The following ZSWIM5 variants were observed in gnomAD, a reference collection of about 807,000 sequenced individuals.
ZSWIM5 encodes the protein zinc finger SWIM-type containing 5, also known as zinc finger SWIM domain-containing protein 5.
In ZSWIM5, 55 loss-of-function variants were observed where a neutral mutation model predicts 119.6. The observed-to-expected ratio is 0.46, with a 90% CI of 0.37 to 0.58. The LOEUF is 0.58. Among genes scored for constraint, ZSWIM5 ranks in the 20% least tolerant of loss-of-function variants. ZSWIM5 has a pLI of 0.00. For missense variants in ZSWIM5, 1,193 were observed against 1,512.8 expected (o/e 0.79, Z 3.51); for synonymous variants, 537 against 606.9 (o/e 0.88, Z 1.69).
At chr1:45,162,646 T>G (rs1284137779) in intron 1 of ZSWIM5, among the ~76,000 whole-genome samples, 1 of 152,192 alleles carries the variant, frequency 6.6e-6, no homozygotes, top group Non-Finnish European at 1.5e-5. Context: ...CCAACGATCT[T>G]AGCAAACAGC....
chr1:45,021,431 G>C (rs1224177758), intron 11 of ZSWIM5, among the ~76,000 whole-genome samples: 3 of 152,088 alleles, frequency 2.0e-5, no homozygotes, highest in Non-Finnish European at 4.4e-5. Context: ...AGCACCCTGG[G>C]GCAAAAAGGA....
chr1:45,174,657 T>C (rs1197754448), intron 1 of ZSWIM5, among the ~76,000 whole-genome samples: 2 of 151,950 alleles, frequency 1.3e-5, no homozygotes, highest in East Asian at 3.9e-4. Flanking sequence ...GGAGAATTGC[T>C]TGAACCTGCA....
chr1:45,078,109 G>A (rs1257625793), intron 2 of ZSWIM5, among the ~76,000 whole-genome samples: 3 of 152,176 alleles, frequency 2.0e-5, no homozygotes, highest in South Asian at 4.1e-4. Context: ...AAGCACAAGG[G>A]TATTGATTGG....
intron 1 of ZSWIM5, among the ~76,000 whole-genome samples, chr1:45,176,098 T>C (rs939404385): frequency 6.7e-6 from 1 of 150,274 alleles, no homozygotes; most frequent in Non-Finnish European, 1.5e-5. Flanking sequence ...TATTGGGATA[T>C]TACTGCTCTA....
chr1:45,132,068 T>C (rs1263121539), intron 1 of ZSWIM5, among the ~76,000 whole-genome samples: 1 of 149,502 alleles, frequency 6.7e-6, no homozygotes, highest in African/African-American at 2.4e-5. Flanking sequence ...TAATAATAAA[T>C]TATATAATAA....
intron 1 of ZSWIM5, among the ~76,000 whole-genome samples, chr1:45,145,966 G>C (rs1157501917): frequency 6.6e-6 from 1 of 152,136 alleles, no homozygotes; most frequent in Non-Finnish European, 1.5e-5. Context: ...GGATGACAGT[G>C]ATCAACTATA....
intron 1 of ZSWIM5, among the ~76,000 whole-genome samples, chr1:45,149,094 C>G (rs1013738492): frequency 6.6e-6 from 1 of 151,960 alleles, no homozygotes; most frequent in Non-Finnish European, 1.5e-5. Flanking sequence ...TATAGTAAGA[C>G]TCCACCTCTA....
chr1:45,161,468 T>A (rs1645863472), intron 1 of ZSWIM5, among the ~76,000 whole-genome samples: 1 of 152,192 alleles, frequency 6.6e-6, no homozygotes, highest in South Asian at 2.1e-4. Flanking sequence ...TAAGATGGTA[T>A]CTCACTGTGG....
At chr1:45,039,957 G>A (rs1645009700) in intron 7 of ZSWIM5, among the ~76,000 whole-genome samples, 1 of 151,208 alleles carries the variant, frequency 6.6e-6, no homozygotes, top group Non-Finnish European at 1.5e-5. Context: ...TGCCTGCCTC[G>A]GCCTCCCAAA....
At chr1:45,137,704 A>G (rs1371885649) in intron 1 of ZSWIM5, among the ~76,000 whole-genome samples, 1 of 152,164 alleles carries the variant, frequency 6.6e-6, no homozygotes, top group African/African-American at 2.4e-5. Context: ...GGAGGACATT[A>G]TGATTGGTGC....
rs1644914152 is a variant in ZSWIM5, at chr1:45,025,126, G to GT, written c.2450-4339dup. Among the ~76,000 whole-genome samples the GT allele has an allele frequency of 3.3e-5, 5 of 152,244 alleles. No homozygotes were observed. In the South Asian group the frequency reaches 1.0e-3, roughly 32 times the overall value. ...AAGACAATCTTTTGCTCCTTTCTCA[G>GT]TATCAGTTGACTATATTTGTGTGAG... is the stretch of plus-strand genomic sequence containing the variant. On this transcript the variant is annotated intron_variant, in intron 11 of 13. Coordinates refer to ENST00000359600, the MANE Select transcript of ZSWIM5 (RefSeq NM_020883.2).
chr1:45,083,047 G>A (rs892561309), intron 2 of ZSWIM5, among the ~76,000 whole-genome samples: 2 of 152,100 alleles, frequency 1.3e-5, no homozygotes, highest in African/African-American at 4.8e-5. Flanking sequence ...TGGGGGATGG[G>A]GGCAGAACTC....
chr1:45,163,838 G>A lies in ZSWIM5; in HGVS notation c.595+41918C>T, dbSNP rs532689416. On this transcript the variant is annotated intron_variant, in intron 1 of 13. Transcript: ENST00000359600. The stretch of plus-strand genomic sequence containing the variant: ...GACAATGTGAAAAGACCAAATCTAC[G>A]TCTGATTGGCGTACCTGAAAGTGAC... Among the ~76,000 whole-genome samples the A allele has an allele frequency of 7.9e-5, 12 of 152,288 alleles. No homozygotes were observed. In the South Asian group the frequency reaches 1.0e-3, roughly 13 times the overall value.
intron 1 of ZSWIM5, among the ~76,000 whole-genome samples, chr1:45,091,679 A>G (rs1645365046): frequency 6.6e-6 from 1 of 152,038 alleles, no homozygotes; most frequent in Non-Finnish European, 1.5e-5. Flanking sequence ...AAACAAACAA[A>G]CAAAAAACAA....
chr1:45,035,959 C>T, intron 9 of ZSWIM5, 80 bp downstream of exon 9: 1 of 1,569,778 alleles, frequency 6.4e-7, no homozygotes, highest in South Asian at 1.2e-5. Flanking sequence ...ATAAATGTTC[C>T]TGTACTTGTA....
At chr1:45,043,662 C>T (rs543280752) in intron 5 of ZSWIM5, among the ~76,000 whole-genome samples, 173 of 152,252 alleles carry the variant, frequency 1.1e-3, no homozygotes, top group African/African-American at 3.8e-3. Flanking sequence ...AGATCTATGG[C>T]TTACTTCCTC....
At chr1:45,050,511 G>C (rs1451784084) in intron 5 of ZSWIM5, among the ~76,000 whole-genome samples, 1 of 152,204 alleles carries the variant, frequency 6.6e-6, no homozygotes, top group Non-Finnish European at 1.5e-5. Context: ...CTGATGTCAA[G>C]TGATGTCTGT....
At chr1:45,183,272 A>T (rs1450174859) in intron 1 of ZSWIM5, among the ~76,000 whole-genome samples, 1 of 151,282 alleles carries the variant, frequency 6.6e-6, no homozygotes, top group East Asian at 1.9e-4. Flanking sequence ...AATTTATAGC[A>T]CTAAATGCCC....
intron 1 of ZSWIM5, among the ~76,000 whole-genome samples, chr1:45,192,211 C>CA (rs1304776090): frequency 6.6e-6 from 1 of 152,164 alleles, no homozygotes; most frequent in Non-Finnish European, 1.5e-5. Flanking sequence ...GTACAACCAT[C>CA]ACTCCTACCT....
Sources: allele counts gnomAD v4.1 joint callset (sites outside exome capture counted in the v4.1 genomes callset), GRCh38; gene constraint gnomAD v4.1.1; transcripts MANE v1.5; gene names NCBI Gene and HGNC (gene_info 2026-07-23, HGNC 2026-07-21).